The following CDH4 variants were observed in gnomAD, a reference collection of about 807,000 sequenced individuals.
The protein encoded by CDH4 is cadherin 4.
CDH4 carries 33 observed loss-of-function variants against 86.0 expected under a neutral mutation model. That is an observed-to-expected ratio of 0.38 (90% CI 0.29 to 0.51). The LOEUF (loss-of-function observed/expected upper bound fraction) is 0.51, where lower values mean the gene tolerates loss of function less well. Ranked by LOEUF, CDH4 falls within the 20% of genes least tolerant of loss-of-function variation. The probability of loss-of-function intolerance (pLI) is 0.86; values close to 1 mark genes in which losing one functional copy is unlikely to be tolerated. For missense variants in CDH4, 1,114 were observed against 1,307.4 expected (o/e 0.85, Z 2.28); for synonymous variants, 555 against 549.4 (o/e 1.01, Z -0.14).
At chr20:61,317,784 T>C (rs2427076) in intron 2 of CDH4, among the ~76,000 whole-genome samples, 152,224 of 152,286 alleles carry the variant, frequency 1, 76,081 homozygotes, top group Middle Eastern at 1. Context: ...AGGGCACTTC[T>C]GGGAAGCGTT....
At chr20:61,519,837 T>G (rs1195494555) in intron 2 of CDH4, among the ~76,000 whole-genome samples, 1 of 152,162 alleles carries the variant, frequency 6.6e-6, no homozygotes, top group Non-Finnish European at 1.5e-5. Flanking sequence ...GCTCTTAACC[T>G]CCACTTCCTC....
intron 2 of CDH4, among the ~76,000 whole-genome samples, chr20:61,378,221 C>T (rs6062181): frequency 5.3e-4 from 80 of 152,136 alleles, no homozygotes; most frequent in African/African-American, 1.7e-3. Context: ...TGCCACTGCA[C>T]GGCAGCCAGA....
Position 61,829,130 on chromosome 20 carries a change from C to G in CDH4, c.577-15538C>G, listed in dbSNP as rs888801003. ...TTCCTAACAGGCCACAGACCGGTAC[C>G]GGGTTGGGGACCCTGCTTTAAGCAG... On this transcript the variant is annotated intron_variant, in intron 4 of 15. Coordinates refer to ENST00000614565, the MANE Select transcript of CDH4 (RefSeq NM_001794.5). This position sits in a 1 kb window ranked among gnomAD's most constrained non-coding sequence, Gnocchi z 4.2. 2.0e-5 allele frequency among the ~76,000 whole-genome samples: 3 copies of G among 152,214 alleles called. No individual in the cohort carries two copies. In the South Asian group the frequency reaches 6.2e-4, roughly 32 times the overall value.
At position 61,293,930 on chromosome 20, in the gene CDH4, C is replaced by T. The variant is rs148457437; in HGVS notation, c.169+38993C>T. Among the ~76,000 whole-genome samples, 290 of 152,106 alleles carry T rather than the reference C, an allele frequency of 1.9e-3. 5 individuals are homozygous for T. In the East Asian group the frequency reaches 0.048, roughly 25 times the overall value. ...GTCCACTTTGTGGTCTGGACATGCC[C>T]GTAGGCACAGGGAAGCTGGTGAGGT... On this transcript the variant is annotated intron_variant, in intron 2 of 15. Transcript: ENST00000614565.
At chr20:61,558,412 CA>C (rs935270148) in intron 2 of CDH4, among the ~76,000 whole-genome samples, 2 of 152,032 alleles carry the variant, frequency 1.3e-5, no homozygotes, top group African/African-American at 4.8e-5. Flanking sequence ...TTTTCAGCGG[CA>C]AAAGTGTAGG....
At chr20:61,746,052 C>T (rs1568792414) in intron 3 of CDH4, among the ~76,000 whole-genome samples, 1 of 152,090 alleles carries the variant, frequency 6.6e-6, no homozygotes, top group African/African-American at 2.4e-5. Context: ...ATTCATGTCC[C>T]AGGCTCAGCG....
intron 2 of CDH4, among the ~76,000 whole-genome samples, chr20:61,568,942 G>C (rs1237952494): frequency 5.3e-5 from 8 of 150,458 alleles, no homozygotes; most frequent in Non-Finnish European, 1.2e-4. Flanking sequence ...TTCAGTGCCT[G>C]GCACACAGTA....
intron 2 of CDH4, among the ~76,000 whole-genome samples, chr20:61,296,233 G>C (rs2084351514): frequency 6.7e-6 from 1 of 149,162 alleles, no homozygotes; most frequent in Non-Finnish European, 1.5e-5. Flanking sequence ...TCAAAATAAT[G>C]AGTGTGTGTA....
intron 2 of CDH4, among the ~76,000 whole-genome samples, chr20:61,433,306 C>T (rs75407338): frequency 0.028 from 4,331 of 152,178 alleles, 98 homozygotes; most frequent in Non-Finnish European, 0.044. Flanking sequence ...ATCAATCAGC[C>T]GTCTGTGTGT....
chr20:61,385,669 C>T (rs541420752), intron 2 of CDH4, among the ~76,000 whole-genome samples: 23 of 152,240 alleles, frequency 1.5e-4, no homozygotes, highest in African/African-American at 4.1e-4. Context: ...TTGCTGTCCA[C>T]GCTGTATCCA....
Position 61,348,907 on chromosome 20 carries a change from G to A in CDH4, c.169+93970G>A, listed in dbSNP as rs150934468. ...CTCTAAAAGTTCTTGTTTGTTTTTCGTTTGTTTTGGGACTACATTTGAAAG... is the reference window on the plus strand; with the variant it reads ...CTCTAAAAGTTCTTGTTTGTTTTTCATTTGTTTTGGGACTACATTTGAAAG... On this transcript the variant is annotated intron_variant, in intron 2 of 15. Transcript: ENST00000614565. Among the ~76,000 whole-genome samples, 91 of 152,264 alleles carry A rather than the reference G, an allele frequency of 6.0e-4. No individual in the cohort carries two copies. In the South Asian group the frequency reaches 0.015, roughly 25 times the overall value.
chr20:61,725,146 A>G (rs2088095402), intron 2 of CDH4, among the ~76,000 whole-genome samples: 1 of 152,160 alleles, frequency 6.6e-6, no homozygotes, highest in Admixed American at 6.5e-5. Context: ...AAGGTGGAGG[A>G]GTGAAGAGGA....
chr20:61,638,574 C>T (rs1421545603), intron 2 of CDH4, among the ~76,000 whole-genome samples: 1 of 152,014 alleles, frequency 6.6e-6, no homozygotes, highest in Non-Finnish European at 1.5e-5. Flanking sequence ...ATGGGAAGGG[C>T]CCTGGTAGTT....
At chr20:61,401,118 C>T (rs1036727452) in intron 2 of CDH4, among the ~76,000 whole-genome samples, 3 of 152,200 alleles carry the variant, frequency 2.0e-5, no homozygotes, top group African/African-American at 4.8e-5. Flanking sequence ...ACTGGGCAGA[C>T]GTACTGTCCT....
At chr20:61,495,683 G>C (rs1892333) in intron 2 of CDH4, among the ~76,000 whole-genome samples, 93,029 of 151,692 alleles carry the variant, frequency 0.61, 29,360 homozygotes, top group African/African-American at 0.76. Flanking sequence ...CAGGTGGATC[G>C]CCTAAGGTCA....
At chr20:61,792,741 C>T (rs1040481427) in intron 4 of CDH4, among the ~76,000 whole-genome samples, 3 of 152,064 alleles carry the variant, frequency 2.0e-5, no homozygotes, top group African/African-American at 7.2e-5. Flanking sequence ...ACCTCCACCT[C>T]CCAGGTTCAA....
At chr20:61,746,403 C>G (rs1216912325) in intron 3 of CDH4, among the ~76,000 whole-genome samples, 5 of 152,218 alleles carry the variant, frequency 3.3e-5, no homozygotes, top group Admixed American at 6.5e-5. Context: ...CCACTCAGAC[C>G]TTGCCCCAAG....
chr20:61,615,654 A>C (rs1017256166), intron 2 of CDH4, among the ~76,000 whole-genome samples: 5 of 152,204 alleles, frequency 3.3e-5, no homozygotes, highest in African/African-American at 1.2e-4. Flanking sequence ...AAGGAAAAGC[A>C]TATATCTAGG....
At chr20:61,534,054 A>G (rs190162927) in intron 2 of CDH4, among the ~76,000 whole-genome samples, 12 of 152,374 alleles carry the variant, frequency 7.9e-5, no homozygotes, top group Admixed American at 7.8e-4. Flanking sequence ...GGCAATAGGC[A>G]GGCATGAGAT....
Sources: allele counts gnomAD v4.1 joint callset (sites outside exome capture counted in the v4.1 genomes callset), GRCh38; gene constraint gnomAD v4.1.1; non-coding constraint Gnocchi (gnomAD v3.1); transcripts MANE v1.5; gene names NCBI Gene and HGNC (gene_info 2026-07-23, HGNC 2026-07-21).